NOX3: variants seen among roughly 807,000 people sequenced by gnomAD.
NOX3 encodes NADPH oxidase 3.
NOX3 carries 74 observed loss-of-function variants against 76.7 expected under a neutral mutation model. The ratio of observed to expected loss-of-function variants is 0.96; its 90% CI spans 0.80 to 1.17. The LOEUF (loss-of-function observed/expected upper bound fraction) is 1.17, where lower values mean the gene tolerates loss of function less well. Ranked by LOEUF, NOX3 falls within the 50% of genes most tolerant of loss-of-function variation. NOX3 has a pLI of 0.00. For missense variants in NOX3, 695 were observed against 703.3 expected (o/e 0.99, Z 0.13); for synonymous variants, 263 against 261.1 (o/e 1.01, Z -0.07).
At chr6:155,455,157 G>T in intron 1 of NOX3, 28 bp from the exon 2 acceptor site, 1 of 1,428,216 alleles carries the variant, frequency 7.0e-7, no homozygotes, top group Non-Finnish European at 9.8e-7. Context: ...GAGAACCAAT[G>T]ATTACTACCT....
intron 4 of NOX3, among the ~76,000 whole-genome samples, chr6:155,452,192 C>T (rs1777154239): frequency 6.6e-6 from 1 of 152,152 alleles, no homozygotes; most frequent in Admixed American, 6.6e-5. Flanking sequence ...ATTCAGTATT[C>T]TTAGGGGAGC....
chr6:155,406,099 T>C (rs556616585), intron 12 of NOX3, among the ~76,000 whole-genome samples: 1 of 152,252 alleles, frequency 6.6e-6, no homozygotes, highest in South Asian at 2.1e-4. Flanking sequence ...CCTTCAGATC[T>C]TTCCTCAAAT....
chr6:155,414,333 A>T (rs754965745), intron 10 of NOX3, among the ~76,000 whole-genome samples: 4 of 152,204 alleles, frequency 2.6e-5, no homozygotes, highest in Non-Finnish European at 4.4e-5. Context: ...ATGAGAGACC[A>T]AGTATCCCAA....
chr6:155,436,541 A>C lies in NOX3; in HGVS notation c.675T>G (p.Ile225Met). The change falls in exon 7 of 14, where the codon ATT (isoleucine) becomes ATG (methionine). Residue 225 changes from isoleucine (I) to methionine (M), a missense_variant. Transcript: ENST00000159060. ...LSLAIHGTGR[I>M]VRGQTQDSLS... ...GACTGTCTTGGGTTTGGCCTCGAAC[A>C]ATCCGACTTGTTATTTAAGAAAAGC... is the stretch of plus-strand genomic sequence containing the variant. The C allele has an allele frequency of 6.2e-7, 1 of 1,611,118 alleles. No homozygotes were observed. Among genetic ancestry groups the C allele is most frequent in the Non-Finnish European group, 8.5e-7 (1 of 1,179,334 alleles).
At chr6:155,423,804 G>A (rs1001080836) in intron 9 of NOX3, among the ~76,000 whole-genome samples, 21 of 148,444 alleles carry the variant, frequency 1.4e-4, no homozygotes, top group African/African-American at 3.0e-4. Context: ...GCAGTGATGC[G>A]ATCTCCGCTC....
chr6:155,452,267 T>C (rs1227642014), intron 4 of NOX3, among the ~76,000 whole-genome samples: 3 of 152,220 alleles, frequency 2.0e-5, no homozygotes, highest in Non-Finnish European at 4.4e-5. Flanking sequence ...CCAAAATTTC[T>C]TTCCCTGAGT....
intron 4 of NOX3, among the ~76,000 whole-genome samples, chr6:155,446,523 G>A (rs960222022): frequency 6.6e-6 from 1 of 152,180 alleles, no homozygotes; most frequent in South Asian, 2.1e-4. Context: ...TATTCAAAGA[G>A]TTAAGGAATT....
intron 12 of NOX3, among the ~76,000 whole-genome samples, chr6:155,397,296 T>C (rs1195494620): frequency 1.3e-5 from 2 of 152,032 alleles, no homozygotes; most frequent in African/African-American, 4.8e-5. Flanking sequence ...AGTGGGACCA[T>C]ACAGTCCATA....
At chr6:155,421,504 G>A (rs1776688793) in intron 10 of NOX3, among the ~76,000 whole-genome samples, 1 of 152,164 alleles carries the variant, frequency 6.6e-6, no homozygotes, top group African/African-American at 2.4e-5. Flanking sequence ...GGTGAGGAAA[G>A]GTTCTGTAGC....
At chr6:155,441,116 T>C (rs1223906976) in intron 5 of NOX3, among the ~76,000 whole-genome samples, 1 of 152,214 alleles carries the variant, frequency 6.6e-6, no homozygotes. Context: ...TAGAATAGCA[T>C]CACACAGCAG....
At chr6:155,430,269 T>C (rs1398274234) in intron 8 of NOX3, among the ~76,000 whole-genome samples, 3 of 151,938 alleles carry the variant, frequency 2.0e-5, no homozygotes, top group Admixed American at 6.6e-5. Flanking sequence ...TGTGAGGACG[T>C]AGAGATGTGA....
intron 4 of NOX3, among the ~76,000 whole-genome samples, chr6:155,444,564 G>T (rs1777036012): frequency 6.6e-6 from 1 of 152,218 alleles, no homozygotes; most frequent in African/African-American, 2.4e-5. Context: ...AAAACTGTAT[G>T]TGGAAGTTGC....
intron 7 of NOX3, 81 bp from the exon 8 acceptor site, chr6:155,431,016 A>G (rs1220523884): frequency 3.5e-6 from 3 of 862,910 alleles, no homozygotes; most frequent in East Asian, 2.5e-5. Context: ...AAATCAATAT[A>G]CAACATGATG....
Position 155,453,396 on chromosome 6 carries a change from G to T in NOX3, c.340+8C>A. On this transcript the variant is annotated splice_region_variant and intron_variant, in intron 4 of 13. Coordinates refer to ENST00000159060, the MANE Select transcript of NOX3 (RefSeq NM_015718.3). ...GTAAAATCCATTGAGCAATTAATAA[G>T]TACTTACTTGCATTAACAGCTATCC... is the stretch of plus-strand genomic sequence containing the variant. 1 of 1,588,892 alleles carries T rather than the reference G, an allele frequency of 6.3e-7. No homozygotes were observed. The highest frequency in any genetic ancestry group is 8.6e-7 in the Non-Finnish European group (1 of 1,157,012).
At chr6:155,452,586 G>C (rs774359030) in intron 4 of NOX3, among the ~76,000 whole-genome samples, 1 of 151,862 alleles carries the variant, frequency 6.6e-6, no homozygotes, top group Non-Finnish European at 1.5e-5. Flanking sequence ...CGTCTGTCAT[G>C]TCTTGTTGCT....
At chr6:155,447,639 T>C (rs140248425) in intron 4 of NOX3, among the ~76,000 whole-genome samples, 10 of 152,370 alleles carry the variant, frequency 6.6e-5, no homozygotes, top group Admixed American at 2.0e-4. Context: ...ATGTCTTACA[T>C]GTTCCCTTGC....
At chr6:155,453,039 T>C (rs558293786) in intron 4 of NOX3, among the ~76,000 whole-genome samples, 12 of 152,364 alleles carry the variant, frequency 7.9e-5, no homozygotes, top group African/African-American at 2.9e-4. Flanking sequence ...ACAGTCATTT[T>C]CCTACGACTG....
intron 5 of NOX3, 93 bp from the exon 6 acceptor site, chr6:155,440,230 G>C: frequency 1.0e-6 from 1 of 987,650 alleles, no homozygotes; most frequent in East Asian, 2.6e-5. Flanking sequence ...TCATTTTTAG[G>C]ACCAGTACTT....
intron 6 of NOX3, among the ~76,000 whole-genome samples, chr6:155,439,199 T>C (rs1168881237): frequency 6.6e-6 from 1 of 151,848 alleles, no homozygotes; most frequent in Non-Finnish European, 1.5e-5. Context: ...AATTGTAAAA[T>C]GGAAAAAAAG....
Sources: allele counts gnomAD v4.1 joint callset (sites outside exome capture counted in the v4.1 genomes callset), GRCh38; gene constraint gnomAD v4.1.1; transcripts MANE v1.5; gene names NCBI Gene and HGNC (gene_info 2026-07-23, HGNC 2026-07-21).